The following DLG2 variants were observed in gnomAD, a reference collection of about 807,000 sequenced individuals.
DLG2 encodes the protein disks large homolog 2.
In DLG2, 45 loss-of-function variants were observed where a neutral mutation model predicts 132.5. The observed-to-expected ratio is 0.34, with a 90% CI of 0.27 to 0.44. The LOEUF (loss-of-function observed/expected upper bound fraction) is 0.44, where lower values mean the gene tolerates loss of function less well. DLG2 is among the 20% of genes least tolerant of loss of function. DLG2 has a pLI of 1.00. For synonymous variants in DLG2, 424 were observed against 419.6 expected (o/e 1.01, Z -0.13); for missense variants, 1,045 against 1,196.9 (o/e 0.87, Z 1.87).
intron 6 of DLG2, among the ~76,000 whole-genome samples, chr11:84,575,281 C>T (rs1301023297): frequency 2.0e-5 from 3 of 152,034 alleles, no homozygotes; most frequent in Non-Finnish European, 4.4e-5. Context: ...CTCCATTTTC[C>T]TAATATTAAA....
At chr11:83,861,550 G>C (rs1429096102) in intron 16 of DLG2, among the ~76,000 whole-genome samples, 3 of 152,106 alleles carry the variant, frequency 2.0e-5, no homozygotes, top group Non-Finnish European at 4.4e-5. Context: ...AAAAGAATGA[G>C]AATCCAGTCA....
At chr11:84,509,752 A>G (rs1280477045) in intron 7 of DLG2, among the ~76,000 whole-genome samples, 1 of 152,178 alleles carries the variant, frequency 6.6e-6, no homozygotes, top group Non-Finnish European at 1.5e-5. Context: ...CACATCTGAA[A>G]GAGAATTGGT....
chr11:85,366,157 T>TATA (rs1374046296), intron 3 of DLG2, among the ~76,000 whole-genome samples: 1 of 152,178 alleles, frequency 6.6e-6, no homozygotes, highest in Non-Finnish European at 1.5e-5. Flanking sequence ...TCTGGATTGC[T>TATA]ATAATTCTAA....
chr11:84,227,913 C>CA (rs59917539), intron 8 of DLG2, among the ~76,000 whole-genome samples: 19,357 of 73,876 alleles, frequency 0.26, 1,811 homozygotes, highest in East Asian at 0.35. Flanking sequence ...GACTCCATCT[C>CA]AAAAAAAAAA....
intron 6 of DLG2, among the ~76,000 whole-genome samples, chr11:84,897,889 T>C (rs536629840): frequency 2.0e-5 from 3 of 151,802 alleles, no homozygotes; most frequent in Non-Finnish European, 4.4e-5. Flanking sequence ...ATGGAACACA[T>C]AGTTTCTACC....
At chr11:85,035,779 C>A (rs904372786) in intron 6 of DLG2, among the ~76,000 whole-genome samples, 7 of 152,086 alleles carry the variant, frequency 4.6e-5, no homozygotes, top group Non-Finnish European at 1.0e-4. Context: ...TTTGGCTGGG[C>A]CCGATGAGGC....
chr11:85,321,573 T>C (rs1202995359), intron 3 of DLG2, among the ~76,000 whole-genome samples: 1 of 151,962 alleles, frequency 6.6e-6, no homozygotes, highest in East Asian at 1.9e-4. Flanking sequence ...TCCTGGAACA[T>C]TTCAATATTT....
At chr11:85,240,412 A>G (rs12361833) in intron 4 of DLG2, among the ~76,000 whole-genome samples, 14 of 151,840 alleles carry the variant, frequency 9.2e-5, no homozygotes, top group Non-Finnish European at 1.9e-4. Flanking sequence ...TTGATAAACA[A>G]AAGCTCTTAT....
intron 3 of DLG2, among the ~76,000 whole-genome samples, chr11:85,498,604 C>T (rs1337343190): frequency 6.6e-6 from 1 of 152,134 alleles, no homozygotes; most frequent in African/African-American, 2.4e-5. Flanking sequence ...CAGAACTCCC[C>T]ACCCCAAATC....
intron 6 of DLG2, among the ~76,000 whole-genome samples, chr11:85,018,883 A>T (rs1182736439): frequency 1.3e-5 from 2 of 152,122 alleles, no homozygotes; most frequent in African/African-American, 4.8e-5. Context: ...TCAAAAAATA[A>T]CCCACAGTAT....
chr11:85,054,021 C>A (rs553889088), intron 6 of DLG2, among the ~76,000 whole-genome samples: 1 of 152,036 alleles, frequency 6.6e-6, no homozygotes, highest in Non-Finnish European at 1.5e-5. Flanking sequence ...AATCCCAGAG[C>A]TTTGGGAGGC....
At chr11:84,163,616 A>G (rs1370299021) in intron 8 of DLG2, 105 bp from the exon 9 acceptor site, 14 of 850,072 alleles carry the variant, frequency 1.6e-5, no homozygotes, top group Non-Finnish European at 2.4e-5. Flanking sequence ...TTCTAGCTAT[A>G]AATAACCACA....
At chr11:84,454,592 A>G (rs76371861) in intron 7 of DLG2, among the ~76,000 whole-genome samples, 1,891 of 151,622 alleles carry the variant, frequency 0.012, 31 homozygotes, top group African/African-American at 0.042. Context: ...TAAAAAACCA[A>G]TGTTCCTTAA....
At chr11:84,215,645 T>A (rs2096826524) in intron 8 of DLG2, among the ~76,000 whole-genome samples, 1 of 152,118 alleles carries the variant, frequency 6.6e-6, no homozygotes, top group African/African-American at 2.4e-5. Flanking sequence ...GATATTGAGG[T>A]GCAGTAATGA....
chr11:85,526,221 T>C (rs1349132915), intron 3 of DLG2, among the ~76,000 whole-genome samples: 1 of 152,100 alleles, frequency 6.6e-6, no homozygotes, highest in Non-Finnish European at 1.5e-5. Context: ...TGAAGTATCA[T>C]GAAGAAAACT....
At chr11:84,278,025 C>CT (rs2097800757) in intron 7 of DLG2, among the ~76,000 whole-genome samples, 1 of 148,218 alleles carries the variant, frequency 6.7e-6, no homozygotes. Context: ...TCCTGAGTAG[C>CT]TGGGACCACA....
At chr11:85,011,567 T>G (rs2059151052) in intron 6 of DLG2, among the ~76,000 whole-genome samples, 1 of 152,234 alleles carries the variant, frequency 6.6e-6, no homozygotes. Context: ...TTCGACTGAC[T>G]GTATGACCTT....
At chr11:83,958,610 A>AT (rs1220750456) in intron 14 of DLG2, among the ~76,000 whole-genome samples, 5 of 151,976 alleles carry the variant, frequency 3.3e-5, no homozygotes, top group East Asian at 3.9e-4. Context: ...TGCATTACCA[A>AT]TTTTTTTGTT....
chr11:84,082,153 A>G (rs1319843928), intron 10 of DLG2, among the ~76,000 whole-genome samples: 3 of 152,178 alleles, frequency 2.0e-5, no homozygotes, highest in Admixed American at 1.3e-4. Flanking sequence ...ATTTAATACC[A>G]TAACACAGTC....
Sources: gnomAD v4.1 joint callset for allele counts (sites outside exome capture counted in the v4.1 genomes callset) on GRCh38, gnomAD v4.1.1 for gene constraint, MANE v1.5 for transcripts, NCBI Gene and HGNC (gene_info 2026-07-23, HGNC 2026-07-21) for gene names.